KIF21A: variants seen among roughly 807,000 people sequenced by gnomAD.
The protein encoded by KIF21A is kinesin family member 21A.
A neutral mutation model predicts 202.9 loss-of-function variants in KIF21A; 114 were observed. The ratio of observed to expected loss-of-function variants is 0.56; its 90% CI spans 0.48 to 0.66. The LOEUF (loss-of-function observed/expected upper bound fraction) is 0.66, where lower values mean the gene tolerates loss of function less well. Ranked by LOEUF, KIF21A falls within the 30% of genes least tolerant of loss-of-function variation. The probability of loss-of-function intolerance (pLI) is 0.00; values close to 1 mark genes in which losing one functional copy is unlikely to be tolerated. For missense variants in KIF21A, 1,677 were observed against 1,994.9 expected (o/e 0.84, Z 3.04); for synonymous variants, 667 against 670.8 (o/e 0.99, Z 0.09).
chr12:39,339,495 C>T (rs1947269862), intron 16 of KIF21A, among the ~76,000 whole-genome samples: 1 of 152,098 alleles, frequency 6.6e-6, no homozygotes, highest in Non-Finnish European at 1.5e-5. Context: ...ATAATGAAAT[C>T]ACCTAAAAAT....
intron 34 of KIF21A, 111 bp from the exon 35 acceptor site, chr12:39,305,049 T>A (rs1219288342): frequency 1.5e-6 from 1 of 680,900 alleles, no homozygotes; most frequent in African/African-American, 1.8e-5. Context: ...ACTAACTTTT[T>A]TTTTTCTTTG....
chr12:39,322,614 C>CTT, intron 27 of KIF21A, 54 bp downstream of exon 27: 5 of 1,177,502 alleles, frequency 4.2e-6, no homozygotes, highest in South Asian at 1.4e-5. Context: ...AACATGCATA[C>CTT]TTTTTTTTTT....
At chr12:39,410,826 T>A (rs1953023364) in intron 1 of KIF21A, among the ~76,000 whole-genome samples, 1 of 152,150 alleles carries the variant, frequency 6.6e-6, no homozygotes, top group Admixed American at 6.5e-5. Context: ...AACCTCTATA[T>A]ACTGGAAAAT....
rs1381235451 is a variant in KIF21A, at chr12:39,308,731, G to GT, written c.4277+854dup. 1.2e-4 allele frequency among the ~76,000 whole-genome samples: 18 copies of GT among 151,974 alleles called. No individual in the cohort carries two copies. In the South Asian group the frequency reaches 3.3e-3, roughly 28 times the overall value. On this transcript the variant is annotated intron_variant, in intron 33 of 37. Coordinates refer to ENST00000361418, the MANE Select transcript of KIF21A (RefSeq NM_001173464.2). ...ATCAATCTTTTCAAATTTAACTTCAGTGATTCAATTGAATTGGTAAATTCT... is the reference window on the plus strand; with the variant it reads ...ATCAATCTTTTCAAATTTAACTTCAGTTGATTCAATTGAATTGGTAAATTCT...
At chr12:39,334,215 A>G (rs974675650) in intron 17 of KIF21A, among the ~76,000 whole-genome samples, 1 of 151,302 alleles carries the variant, frequency 6.6e-6, no homozygotes, top group African/African-American at 2.4e-5. Context: ...AAAAAAAAAA[A>G]AAAAAGAAAG....
intron 1 of KIF21A, 42 bp from the exon 2 acceptor site, chr12:39,370,303 C>CA (rs35519089): frequency 0.04 from 57,244 of 1,419,204 alleles, 3,169 homozygotes; most frequent in African/African-American, 0.29. Flanking sequence ...AAATAAATGG[C>CA]AAAAAAAAAC....
chr12:39,348,278 G>A (rs1379480813), intron 11 of KIF21A, among the ~76,000 whole-genome samples: 1 of 152,042 alleles, frequency 6.6e-6, no homozygotes, highest in African/African-American at 2.4e-5. Context: ...TACAGTTAAA[G>A]AGAATGACAA....
intron 1 of KIF21A, among the ~76,000 whole-genome samples, chr12:39,382,817 G>A (rs1003099485): frequency 6.6e-6 from 1 of 152,192 alleles, no homozygotes; most frequent in South Asian, 2.1e-4. Flanking sequence ...CATGTGGAGT[G>A]AACTTACCTG....
At chr12:39,330,364 ATGT>A (rs1946407985) in intron 23 of KIF21A, 102 bp from the exon 24 acceptor site, 1 of 1,021,132 alleles carries the variant, frequency 9.8e-7, no homozygotes, top group African/African-American at 1.6e-5. Flanking sequence ...TACCATTTAC[ATGT>A]AGAATAGATG....
chr12:39,295,692 GTTTTTT>G (rs1054983568), intron 37 of KIF21A, among the ~76,000 whole-genome samples: 1 of 78,086 alleles, frequency 1.3e-5, no homozygotes, highest in East Asian at 4.8e-4. Context: ...CTTGGGATAT[GTTTTTT>G]TTTTTTTTTT....
Position 39,309,670 on chromosome 12 carries a change from T to C in KIF21A, c.4193A>G (p.Tyr1398Cys), listed in dbSNP as rs925281361. ...TGATACAGTGAAGACCAAACTGGTA[T>C]AATTACAGTATTTTACAGACACGAC... ...NNVVSVKYCN[Y>C]TSLVFTVSTS... Residue 1398 changes from tyrosine to cysteine, a missense_variant, in exon 33 of 38, where the codon TAT becomes TGT. Tyr to Cys is a radical substitution (Grantham distance 194, BLOSUM62 -2). Around this residue, in one of 3 missense-constraint regions of KIF21A, gnomAD observed 705 missense variants for 791.9 expected, o/e 0.89. Transcript: ENST00000361418. 2.5e-6 allele frequency: 4 copies of C among 1,613,196 alleles called. No individual in the cohort carries two copies. The African/African-American group carries it at 4.0e-5, about 16-fold the overall frequency.
chr12:39,361,975 G>A (rs954495377), intron 7 of KIF21A, among the ~76,000 whole-genome samples: 3 of 152,136 alleles, frequency 2.0e-5, no homozygotes, highest in Admixed American at 2.0e-4. Flanking sequence ...GGTGGGAGGT[G>A]ATTAGATGTT....
intron 3 of KIF21A, 44 bp downstream of exon 3, chr12:39,369,685 A>T: frequency 6.8e-7 from 1 of 1,477,366 alleles, no homozygotes; most frequent in Non-Finnish European, 9.4e-7. Flanking sequence ...ACAGTCTATA[A>T]GAACAAAATT....
At chr12:39,329,212 T>A (rs1156513322) in intron 24 of KIF21A, among the ~76,000 whole-genome samples, 5 of 152,238 alleles carry the variant, frequency 3.3e-5, no homozygotes, top group African/African-American at 7.2e-5. Context: ...AGGGCAAATT[T>A]CTGCCATGAG....
At chr12:39,436,164 G>T (rs1938649983) in intron 1 of KIF21A, among the ~76,000 whole-genome samples, 1 of 151,794 alleles carries the variant, frequency 6.6e-6, no homozygotes, top group African/African-American at 2.4e-5. Context: ...ATGCTTAAGG[G>T]ATTAAAATTG....
intron 37 of KIF21A, among the ~76,000 whole-genome samples, chr12:39,299,640 A>G (rs2137080215): frequency 6.6e-6 from 1 of 152,284 alleles, no homozygotes; most frequent in East Asian, 1.9e-4. Context: ...TACCATAAAG[A>G]CACACGCACA....
Position 39,311,364 on chromosome 12 carries a change from ATT to A in KIF21A, c.4096+51_4096+52del, listed in dbSNP as rs371698345. The A allele has an allele frequency of 1.1e-3, 1,595 of 1,485,412 alleles. 8 individuals are homozygous for A. The African/African-American group carries it at 0.02, about 18-fold the overall frequency. The allele number at this position is 1,485,412 out of a possible 1,614,324, so 92.0% of individuals were successfully genotyped here. On this transcript the variant is annotated intron_variant, in intron 32 of 37. Transcript: ENST00000361418. The stretch of plus-strand genomic sequence containing the variant: ...TTTTCTAGAATATGTTAAAAATGTA[ATT>A]TTTTTTAAAAAAAAAGCTATTAAAT...
intron 1 of KIF21A, among the ~76,000 whole-genome samples, chr12:39,381,363 T>C (rs978884790): frequency 4.0e-5 from 6 of 151,544 alleles, no homozygotes; most frequent in African/African-American, 1.5e-4. Context: ...TCTGACTCTA[T>C]AATGATAGTA....
chr12:39,414,460 A>G (rs1346322535), intron 1 of KIF21A, among the ~76,000 whole-genome samples: 2 of 152,242 alleles, frequency 1.3e-5, no homozygotes, highest in Non-Finnish European at 2.9e-5. Flanking sequence ...AAAGCTCTAA[A>G]TGGCTCTTAA....
Sources: allele counts gnomAD v4.1 joint callset (sites outside exome capture counted in the v4.1 genomes callset), GRCh38; gene constraint gnomAD v4.1.1; regional missense constraint gnomAD v4.1.1; transcripts MANE v1.5; gene names NCBI Gene and HGNC (gene_info 2026-07-23, HGNC 2026-07-21).